The following CDH13 variants were observed in gnomAD, a reference collection of about 807,000 sequenced individuals.
CDH13 encodes cadherin-13.
CDH13 carries 24 observed loss-of-function variants against 63.8 expected under a neutral mutation model. The ratio of observed to expected loss-of-function variants is 0.38; its 90% CI spans 0.27 to 0.53. The LOEUF (loss-of-function observed/expected upper bound fraction) is 0.53. Ranked by LOEUF, CDH13 falls within the 20% of genes least tolerant of loss-of-function variation. The pLI is 0.85. For synonymous variants in CDH13, 503 were observed against 355.3 expected (o/e 1.42, Z -4.67); for missense variants, 1,049 against 903.1 (o/e 1.16, Z -2.07).
chr16:83,155,994 C>G (rs970024433), intron 4 of CDH13, among the ~76,000 whole-genome samples: 1 of 152,142 alleles, frequency 6.6e-6, no homozygotes, highest in African/African-American at 2.4e-5. Flanking sequence ...GGTGAGTCCA[C>G]ATGCAGCCAA....
chr16:83,518,558 C>T (rs1371901676), intron 7 of CDH13, among the ~76,000 whole-genome samples: 32 of 148,962 alleles, frequency 2.1e-4, no homozygotes, highest in African/African-American at 6.7e-4. Flanking sequence ...CTGCAAGCTC[C>T]GCCTCCCGGG....
chr16:83,620,727 C>T (rs1413465391), intron 8 of CDH13, among the ~76,000 whole-genome samples: 3 of 152,284 alleles, frequency 2.0e-5, no homozygotes, highest in East Asian at 3.9e-4. Context: ...TAAGTGGCAC[C>T]GATTCCTTCC....
At chr16:83,489,888 T>G (rs1445219880) in intron 7 of CDH13, among the ~76,000 whole-genome samples, 2 of 152,136 alleles carry the variant, frequency 1.3e-5, no homozygotes, top group African/African-American at 4.8e-5. Context: ...TCAAGTTGAT[T>G]TTAAGGTTTG....
chr16:83,006,299 T>G (rs777897540), intron 2 of CDH13, among the ~76,000 whole-genome samples: 7 of 152,346 alleles, frequency 4.6e-5, no homozygotes, highest in Non-Finnish European at 8.8e-5. Context: ...CAACCTTTCC[T>G]TAATACAGAG....
At chr16:83,721,993 C>G (rs539638844) in intron 10 of CDH13, among the ~76,000 whole-genome samples, 1 of 152,252 alleles carries the variant, frequency 6.6e-6, no homozygotes, top group South Asian at 2.1e-4. Context: ...TCATTCTGAA[C>G]TGGGAGTGGA....
At chr16:83,161,326 T>C (rs1290200573) in intron 4 of CDH13, among the ~76,000 whole-genome samples, 1 of 151,848 alleles carries the variant, frequency 6.6e-6, no homozygotes, top group Non-Finnish European at 1.5e-5. Context: ...AATTTGAATA[T>C]TGAGCTTCTA....
At chr16:82,914,418 C>T (rs1262203800) in intron 2 of CDH13, among the ~76,000 whole-genome samples, 1 of 152,128 alleles carries the variant, frequency 6.6e-6, no homozygotes, top group East Asian at 1.9e-4. Context: ...AGCAAATTTT[C>T]TATTGTCTCA....
intron 2 of CDH13, among the ~76,000 whole-genome samples, chr16:82,945,004 C>G (rs1016498412): frequency 2.6e-5 from 4 of 152,142 alleles, no homozygotes; most frequent in Non-Finnish European, 5.9e-5. Flanking sequence ...ATCTGACAGT[C>G]TGACTTATAA....
intron 1 of CDH13, among the ~76,000 whole-genome samples, chr16:82,643,618 G>A (rs892920249): frequency 2.0e-5 from 3 of 152,218 alleles, no homozygotes; most frequent in Non-Finnish European, 4.4e-5. Flanking sequence ...CGTTTGTTTT[G>A]CTGATTTGTA....
chr16:82,858,441 C>G lies in CDH13; in HGVS notation c.125C>G (p.Ala42Gly), dbSNP rs752706413. The change falls in exon 2 of 14, where the codon GCT (alanine) becomes GGT (glycine). Residue 42 changes from alanine to glycine, a missense_variant. By Grantham distance (60) the Ala-to-Gly change is moderately conservative (BLOSUM62 0). Transcript: ENST00000567109. Reference sequence around the variant, plus strand: ...AAAGTGTTCCATATCAATCAGCCAGCTGAATTCATTGAGGACCAGTCAATT... The same window carrying G: ...AAAGTGTTCCATATCAATCAGCCAGGTGAATTCATTGAGGACCAGTCAATT... ...QQKVFHINQP[A>G]EFIEDQSILN... is the part of the protein sequence containing the mutation. 1.2e-6 allele frequency: 2 copies of G among 1,612,802 alleles called. No homozygotes were observed. The highest frequency in any genetic ancestry group is 1.7e-6 in the Non-Finnish European group (2 of 1,178,820).
intron 2 of CDH13, among the ~76,000 whole-genome samples, chr16:82,909,456 A>G (rs912946283): frequency 3.9e-5 from 6 of 152,102 alleles, no homozygotes; most frequent in African/African-American, 1.4e-4. Flanking sequence ...TTTGGTACGG[A>G]CATTGTATTA....
chr16:83,174,086 G>A (rs1374144785), intron 4 of CDH13, among the ~76,000 whole-genome samples: 5 of 152,102 alleles, frequency 3.3e-5, no homozygotes, highest in African/African-American at 9.7e-5. Context: ...ATGCCTTGAG[G>A]CTGGTCAGTA....
intron 1 of CDH13, among the ~76,000 whole-genome samples, chr16:82,652,723 T>C (rs904900515): frequency 2.7e-5 from 4 of 149,460 alleles, no homozygotes; most frequent in South Asian, 2.1e-4. Flanking sequence ...TTTTTTTTTT[T>C]CTGGTTAAAA....
chr16:83,262,291 T>TG (rs1274000705), intron 5 of CDH13, among the ~76,000 whole-genome samples: 3 of 152,142 alleles, frequency 2.0e-5, no homozygotes, highest in South Asian at 2.1e-4. Context: ...GATTTGCCCA[T>TG]GGGGGGAGGA....
intron 6 of CDH13, among the ~76,000 whole-genome samples, chr16:83,456,982 C>G (rs1202804000): frequency 6.6e-6 from 1 of 152,014 alleles, no homozygotes; most frequent in Non-Finnish European, 1.5e-5. Context: ...AAGAAAGATC[C>G]CCTAGGGCAT....
In CDH13 at chr16:83,186,805, T is replaced by C. The variant is rs894411650; in HGVS notation, c.484-30540T>C. Among the ~76,000 whole-genome samples the C allele has an allele frequency of 2.6e-5, 4 of 152,114 alleles. 1 individual carries two copies. The South Asian group carries it at 6.2e-4, about 24-fold the overall frequency. On this transcript the variant is annotated intron_variant, in intron 4 of 13. Coordinates refer to ENST00000567109, the MANE Select transcript of CDH13 (RefSeq NM_001257.5). ...GCTCTTGTGAGACAAGCCAACTCTTTCTCATGTGGAGGAAGAGTTCTGATG... is the reference window on the plus strand; with the variant it reads ...GCTCTTGTGAGACAAGCCAACTCTTCCTCATGTGGAGGAAGAGTTCTGATG...
rs143298971 is a variant in CDH13, at chr16:83,615,936, C to G, written c.1101+13342C>G. On this transcript the variant is annotated intron_variant, in intron 8 of 13. Transcript: ENST00000567109. Reference sequence around the variant, plus strand: ...GAGTTCATCACTTTTTTCTCCTGCACCAAGACCATAGGAAGACACGAAATC... The same window carrying G: ...GAGTTCATCACTTTTTTCTCCTGCAGCAAGACCATAGGAAGACACGAAATC... 3.0e-3 allele frequency among the ~76,000 whole-genome samples: 458 copies of G among 152,226 alleles called. 2 individuals are homozygous for G. The highest frequency in any genetic ancestry group is 9.7e-3 in the African/African-American group (402 of 41,528).
At chr16:82,976,632 CT>C (rs1182399021) in intron 2 of CDH13, among the ~76,000 whole-genome samples, 1 of 152,142 alleles carries the variant, frequency 6.6e-6, no homozygotes, top group East Asian at 1.9e-4. Context: ...GAGATTGAGA[CT>C]TGCTTGCAGA....
intron 5 of CDH13, among the ~76,000 whole-genome samples, chr16:83,287,517 A>T (rs1052714434): frequency 6.6e-6 from 1 of 152,140 alleles, no homozygotes; most frequent in African/African-American, 2.4e-5. Context: ...CCTTATTGCA[A>T]ACTGTGTGTG....
Sources: allele counts gnomAD v4.1 joint callset (sites outside exome capture counted in the v4.1 genomes callset), GRCh38; gene constraint gnomAD v4.1.1; transcripts MANE v1.5; gene names NCBI Gene and HGNC (gene_info 2026-07-23, HGNC 2026-07-21).